Variants in CAMK4 observed in about 807,000 individuals in gnomAD.
The protein encoded by CAMK4 is calcium/calmodulin dependent protein kinase IV.
In CAMK4, 22 loss-of-function variants were observed where a neutral mutation model predicts 44.9. That is an observed-to-expected ratio of 0.49 (90% confidence interval 0.35 to 0.70). The LOEUF (loss-of-function observed/expected upper bound fraction) is 0.70, where lower values mean the gene tolerates loss of function less well. Among genes scored for constraint, CAMK4 ranks in the 30% least tolerant of loss-of-function variants. The pLI is 0.01. For missense variants in CAMK4, 498 were observed against 586.8 expected (o/e 0.85, Z 1.56); for synonymous variants, 218 against 215.4 (o/e 1.01, Z -0.11).
chr5:111,277,348 A>T (rs2112595736), intron 1 of CAMK4, among the ~76,000 whole-genome samples: 1 of 152,326 alleles, frequency 6.6e-6, no homozygotes, highest in African/African-American at 2.4e-5. Flanking sequence ...AAACAGAGGA[A>T]TGTGGGCATG....
chr5:111,227,443 A>G (rs1748247435), intron 1 of CAMK4, among the ~76,000 whole-genome samples: 1 of 152,228 alleles, frequency 6.6e-6, no homozygotes. Context: ...TGTTGTGGTT[A>G]GCTCTAGAAA....
At chr5:111,331,658 C>T (rs1749172774) in intron 1 of CAMK4, among the ~76,000 whole-genome samples, 1 of 151,608 alleles carries the variant, frequency 6.6e-6, no homozygotes, top group East Asian at 2.0e-4. Flanking sequence ...AAGACGGCTC[C>T]CCAGTTTTCT....
chr5:111,273,078 A>T (rs1035708455), intron 1 of CAMK4, among the ~76,000 whole-genome samples: 2 of 152,122 alleles, frequency 1.3e-5, no homozygotes, highest in African/African-American at 2.4e-5. Flanking sequence ...TAAGTCTGGA[A>T]ATTGTTGTCA....
intron 1 of CAMK4, among the ~76,000 whole-genome samples, chr5:111,281,784 C>T (rs560316254): frequency 1.8e-4 from 28 of 152,246 alleles, no homozygotes; most frequent in Middle Eastern, 3.4e-3. Context: ...ATTGGCCGGG[C>T]GCGGTGGCTC....
chr5:111,234,024 C>T (rs1265508253), intron 1 of CAMK4, among the ~76,000 whole-genome samples: 1 of 151,980 alleles, frequency 6.6e-6, no homozygotes, highest in African/African-American at 2.4e-5. Context: ...TTAAAAAGCA[C>T]ATTAATGTTG....
At chr5:111,406,579 T>C (rs926261773) in intron 5 of CAMK4, among the ~76,000 whole-genome samples, 3 of 152,036 alleles carry the variant, frequency 2.0e-5, no homozygotes, top group Non-Finnish European at 2.9e-5. Context: ...GAACTAATGA[T>C]TAATTAAAGA....
chr5:111,252,269 G>A (rs71579143), intron 1 of CAMK4, among the ~76,000 whole-genome samples: 1 of 152,148 alleles, frequency 6.6e-6, no homozygotes, highest in Non-Finnish European at 1.5e-5. Flanking sequence ...CTGATTGTTG[G>A]CTGCTGTAGT....
rs544442354 is a variant in CAMK4 at position 111,390,765 on chromosome 5, C to A, written c.387-3945C>A. The stretch of plus-strand genomic sequence containing the variant: ...TAGACAGCAACTTGTTCTGAAAAAT[C>A]AAAAACTCAATGACAATATCTACAG... On this transcript the variant is annotated intron_variant, in intron 4 of 10. Transcript: ENST00000282356. Among the ~76,000 whole-genome samples the A allele has an allele frequency of 1.1e-3, 175 of 152,208 alleles. 1 individual carries two copies. The highest frequency in any genetic ancestry group is 4.1e-3 in the African/African-American group (169 of 41,560).
chr5:111,315,699 C>G (rs1428423181), intron 1 of CAMK4, among the ~76,000 whole-genome samples: 1 of 152,040 alleles, frequency 6.6e-6, no homozygotes, highest in Non-Finnish European at 1.5e-5. Flanking sequence ...GTAGGAGGAG[C>G]TAAATAAATG....
At chr5:111,311,541 A>T (rs1748204739) in intron 1 of CAMK4, among the ~76,000 whole-genome samples, 2 of 152,182 alleles carry the variant, frequency 1.3e-5, no homozygotes, top group Admixed American at 1.3e-4. Context: ...TGTTCTGGAC[A>T]GTTTGTGACC....
intron 2 of CAMK4, among the ~76,000 whole-genome samples, chr5:111,347,201 A>G (rs895774816): frequency 3.9e-5 from 6 of 152,030 alleles, no homozygotes; most frequent in East Asian, 1.9e-4. Context: ...GCCTTTGGGC[A>G]TGACTCTACA....
intron 2 of CAMK4, among the ~76,000 whole-genome samples, chr5:111,352,008 CT>C (rs1273211377): frequency 6.6e-6 from 1 of 152,014 alleles, no homozygotes; most frequent in Non-Finnish European, 1.5e-5. Context: ...GAAGTAAACT[CT>C]CTTTTGTCTC....
At chr5:111,315,669 AT>A (rs1748390487) in intron 1 of CAMK4, among the ~76,000 whole-genome samples, 1 of 152,068 alleles carries the variant, frequency 6.6e-6, no homozygotes, top group East Asian at 1.9e-4. Flanking sequence ...AAACTTTCTA[AT>A]TCTTTTACCC....
At position 111,448,665 on chromosome 5, in the gene CAMK4, G is replaced by A. The variant is rs150694102; in HGVS notation, c.551-464G>A. On this transcript the variant is annotated intron_variant, in intron 6 of 10. Transcript: ENST00000282356. ...CTAAAAATACAAAAAAATTAGCCGG[G>A]TGTGGTGGCACGTGCCTGTAATCCC... is the stretch of plus-strand genomic sequence containing the variant. Among the ~76,000 whole-genome samples the A allele has an allele frequency of 6.7e-3, 1,020 of 152,240 alleles. 8 individuals carry two copies. Among genetic ancestry groups the A allele is most frequent in the African/African-American group, 0.023 (958 of 41,540 alleles).
intron 1 of CAMK4, among the ~76,000 whole-genome samples, chr5:111,298,646 T>C (rs1016842779): frequency 3.1e-4 from 47 of 152,278 alleles, no homozygotes; most frequent in African/African-American, 1.0e-3. Context: ...GCAGTGACTA[T>C]CCCTGGAGCA....
At chr5:111,263,613 C>T (rs1047993954) in intron 1 of CAMK4, among the ~76,000 whole-genome samples, 1 of 152,196 alleles carries the variant, frequency 6.6e-6, no homozygotes, top group African/African-American at 2.4e-5. Context: ...CTTTATTGGA[C>T]ATCCTGCTAT....
chr5:111,232,101 A>G (rs1046281547), intron 1 of CAMK4, among the ~76,000 whole-genome samples: 10 of 152,188 alleles, frequency 6.6e-5, no homozygotes, highest in African/African-American at 9.6e-5. Context: ...TTATAAGTCT[A>G]AGCTTTTCAA....
chr5:111,276,204 T>C (rs370417070), intron 1 of CAMK4, among the ~76,000 whole-genome samples: 4 of 152,204 alleles, frequency 2.6e-5, no homozygotes, highest in African/African-American at 7.2e-5. Flanking sequence ...TTATTACTTA[T>C]GTGTTTAAGG....
At chr5:111,330,118 A>G (rs910120250) in intron 1 of CAMK4, among the ~76,000 whole-genome samples, 6 of 149,260 alleles carry the variant, frequency 4.0e-5, no homozygotes, top group African/African-American at 1.5e-4. Context: ...AAACAAATAA[A>G]AAACTCTAGA....
Sources: gnomAD v4.1 joint callset for allele counts (sites outside exome capture counted in the v4.1 genomes callset) on GRCh38, gnomAD v4.1.1 for gene constraint, MANE v1.5 for transcripts, NCBI Gene and HGNC (gene_info 2026-07-23, HGNC 2026-07-21) for gene names.